The following DUSP6 variants were observed in gnomAD, a reference collection of about 807,000 sequenced individuals.
DUSP6 encodes the protein dual specificity phosphatase 6.
In DUSP6, 6 loss-of-function variants were observed where a neutral mutation model predicts 28.0. The observed-to-expected ratio is 0.21, with a 90% CI of 0.12 to 0.42. DUSP6 has a LOEUF of 0.42. Among genes scored for constraint, DUSP6 ranks in the 10% least tolerant of loss-of-function variants. DUSP6 has a pLI of 1.00. For missense variants in DUSP6, 451 were observed against 498.1 expected (o/e 0.91, Z 0.90); for synonymous variants, 252 against 217.5 (o/e 1.16, Z -1.40).
rs771353647 is a variant in DUSP6 at position 89,350,901 on chromosome 12, G to A, written c.525C>T (p.Asp175=). Residue 175 remains aspartate (D), a synonymous_variant, in exon 2 of 3, where the codon GAC becomes GAT. Coordinates refer to ENST00000279488, the MANE Select transcript of DUSP6 (RefSeq NM_001946.4). The stretch of plus-strand genomic sequence containing the variant: ...GGTCAGACTCGATGTCCGAGGAAGA[G>A]TCAGAGCTGATCCGCAGGCCCCCGA... The part of the protein sequence containing the change: ...LGLGGLRISS[D]SSSDIESDLD... 23 of 1,613,936 alleles carry A rather than the reference G, an allele frequency of 1.4e-5. No individual in the cohort carries two copies. The highest frequency in any genetic ancestry group is 1.9e-5 in the Non-Finnish European group (22 of 1,179,944).
Position 89,350,976 on chromosome 12 carries a change from A to T in DUSP6, c.450T>A (p.Asn150Lys). The T allele has an allele frequency of 6.2e-7, 1 of 1,611,988 alleles. No homozygotes were observed. Among genetic ancestry groups the T allele is most frequent in the Non-Finnish European group, 8.5e-7 (1 of 1,179,402 alleles). The change falls in exon 2 of 3, where the codon AAT (asparagine) becomes AAA (lysine). Residue 150 changes from asparagine (N) to lysine (K), a missense_variant. Transcript: ENST00000279488. Reference sequence around the variant, plus strand: ...AGCTGCTGCTACACGAGCCGTCTAGATTGGTCTCGCAATGCAGGGAGAACT... The same window carrying T: ...AGCTGCTGCTACACGAGCCGTCTAGTTTGGTCTCGCAATGCAGGGAGAACT... ...QAEFSLHCET[N>K]LDGSCSSSSP...
At position 89,350,824 on chromosome 12, in the gene DUSP6, T is replaced by A. The variant is rs773695778; in HGVS notation, c.602A>T (p.Asn201Ile). The change falls in exon 2 of 3, where the codon AAC (asparagine) becomes ATC (isoleucine). Residue 201 changes from asparagine to isoleucine, a missense_variant. By Grantham distance (149) the Asn-to-Ile change is moderately radical (BLOSUM62 -3). Transcript: ENST00000279488. ...ATDSDGSPLS[N>I]SQPSFPVEIL... ...CTCCACTGGGAAGGAAGGCTGGCTG[T>A]TGGACAGCGGACTACCATCCGAGTC... is the stretch of plus-strand genomic sequence containing the variant. 6.2e-7 allele frequency: 1 copy of A among 1,614,116 alleles called. No individual in the cohort carries two copies. Among genetic ancestry groups the A allele is most frequent in the South Asian group, 1.1e-5 (1 of 91,082 alleles).
intron 1 of DUSP6, chr12:89,351,384 TAAG>T (rs1481229758): frequency 4.9e-6 from 3 of 611,726 alleles, no homozygotes; most frequent in African/African-American, 1.9e-5. Context: ...ATGTTCTGGC[TAAG>T]AAGGCGCAGA....
chr12:89,350,471 A>T, intron 2 of DUSP6, 117 bp downstream of exon 2: 1 of 1,035,784 alleles, frequency 9.7e-7, no homozygotes, highest in Non-Finnish European at 1.4e-6. Context: ...TAGGAACATT[A>T]GAGACCTGCA....
chr12:89,351,545 G>C, intron 1 of DUSP6, 95 bp downstream of exon 1: 1 of 1,439,244 alleles, frequency 6.9e-7, no homozygotes, highest in South Asian at 1.5e-5. Flanking sequence ...CGAAGCTCCA[G>C]CTGAGCGGAG....
rs1006975876 is a variant in DUSP6 at position 89,352,475 on chromosome 12, C to A, written c.-436G>T. On this transcript the variant is annotated 5_prime_UTR_variant, in exon 1 of 3. Transcript: ENST00000279488. ...CTCTTGGACTCAGCCTCGCACACCC[C>A]CTGCGCGAGGCAGCTCCTCAATGGA... is the stretch of plus-strand genomic sequence containing the variant. The A allele has an allele frequency of 6.3e-5, 11 of 174,018 alleles. No homozygotes were observed. The highest frequency in any genetic ancestry group is 3.9e-4 in the South Asian group (3 of 7,758). 10.8% of individuals were successfully genotyped at this position (174,018 alleles called of 1,614,324 possible). A position where few individuals can be genotyped will look rare whatever the true frequency, so the allele number is the denominator to read the frequency against.
In DUSP6 at chr12:89,348,962, A is replaced by G. The variant is rs943597259; in HGVS notation, c.*292T>C. ...CTACCCTATCATTTGGTTCTACCCT[A>G]TGCGCCTGGAAGTCCTCGAATCCCA... On this transcript the variant is annotated 3_prime_UTR_variant, in exon 3 of 3. Coordinates refer to ENST00000279488, the MANE Select transcript of DUSP6 (RefSeq NM_001946.4). The G allele has an allele frequency of 1.2e-5, 4 of 337,994 alleles. No individual in the cohort carries two copies. Among genetic ancestry groups the G allele is most frequent in the African/African-American group, 4.1e-5 (2 of 49,152 alleles). 20.9% of individuals were successfully genotyped at this position (337,994 alleles called of 1,614,324 possible). A position where few individuals can be genotyped will look rare whatever the true frequency, so the allele number is the denominator to read the frequency against.
chr12:89,352,138 G>T lies in DUSP6; in HGVS notation c.-99C>A. 3 of 1,513,786 alleles carry T rather than the reference G, an allele frequency of 2.0e-6. No individual in the cohort carries two copies. Among genetic ancestry groups the T allele is most frequent in the Non-Finnish European group, 2.7e-6 (3 of 1,127,826 alleles). 93.8% of individuals were successfully genotyped at this position (1,513,786 alleles called of 1,614,324 possible). A position where few individuals can be genotyped will look rare whatever the true frequency, so the allele number is the denominator to read the frequency against. ...CGCGCGAAGCTGCCGCTCTCGGAGC[G>T]GGGTTTAATTCCGCCTCGCCTTACC... is the stretch of plus-strand genomic sequence containing the variant. On this transcript the variant is annotated 5_prime_UTR_variant, in exon 1 of 3. Coordinates refer to ENST00000279488, the MANE Select transcript of DUSP6 (RefSeq NM_001946.4).
rs539735060 is a variant in DUSP6 at position 89,349,491 on chromosome 12, C to T, written c.909G>A (p.Val303=). The stretch of plus-strand genomic sequence containing the variant: ...GCTTCTGCATAAGGTAAGCCACAGT[C>T]ACAGTGACTGAGCGGCTAATGCCAG... The part of the protein sequence containing the change: ...CLAGISRSVT[V]TVAYLMQKLN... The change falls in exon 3 of 3, where the codon GTG becomes GTA. Residue 303 remains valine (V), a synonymous_variant. Coordinates refer to ENST00000279488, the MANE Select transcript of DUSP6 (RefSeq NM_001946.4). 8.1e-6 allele frequency: 13 copies of T among 1,614,146 alleles called. No homozygotes were observed. The East Asian group carries it at 2.0e-4, about 25-fold the overall frequency.
rs558694866 is a variant in DUSP6 at position 89,351,749 on chromosome 12, G to A, written c.291C>T (p.Leu97=). 4.4e-6 allele frequency: 7 copies of A among 1,607,622 alleles called. No homozygotes were observed. In the African/African-American group the frequency reaches 8.0e-5, roughly 18 times the overall value. The stretch of plus-strand genomic sequence containing the variant: ...TCCAGTCGCTGCTGCTCTCGTCGTA[G>A]AGCACCACTGTGTCGGTGCCACAGC... ...TRRCGTDTVV[L]YDESSSDWNE... The change falls in exon 1 of 3, where the codon CTC becomes CTT. Residue 97 remains leucine (L), a synonymous_variant. Transcript: ENST00000279488.
chr12:89,349,347 G>C lies in DUSP6; in HGVS notation c.1053C>G (p.Ser351Arg). 6.2e-7 allele frequency: 1 copy of C among 1,614,192 alleles called. No individual in the cohort carries two copies. Among genetic ancestry groups the C allele is most frequent in the Non-Finnish European group, 8.5e-7 (1 of 1,180,032 alleles). The change falls in exon 3 of 3, where the codon AGC becomes AGG. Residue 351 changes from serine to arginine, a missense_variant. Around this residue, in one of 2 missense-constraint regions of DUSP6, gnomAD observed 104 missense variants for 151.4 expected, o/e 0.69. Coordinates refer to ENST00000279488, the MANE Select transcript of DUSP6 (RefSeq NM_001946.4). ...LDFERTLGLS[S>R]PCDNRVPAQQ... ...GTGCTGGAACCCTGTTGTCACATGG[G>C]CTGCTGAGTCCCAGCGTCCTCTCGA...
chr12:89,349,353 G>T lies in DUSP6; in HGVS notation c.1047C>A (p.Leu349=), dbSNP rs757357938. ...QLLDFERTLG[L]SSPCDNRVPA... is the part of the protein sequence containing the mutation. ...GAACCCTGTTGTCACATGGGCTGCTGAGTCCCAGCGTCCTCTCGAAGTCCA... is the reference window on the plus strand; with the variant it reads ...GAACCCTGTTGTCACATGGGCTGCTTAGTCCCAGCGTCCTCTCGAAGTCCA... The change falls in exon 3 of 3, where the codon CTC becomes CTA. Residue 349 remains leucine (L), a synonymous_variant. Transcript: ENST00000279488. The T allele has an allele frequency of 1.2e-6, 2 of 1,614,190 alleles. No homozygotes were observed. The highest frequency in any genetic ancestry group is 1.7e-6 in the Non-Finnish European group (2 of 1,180,024).
At chr12:89,351,381 G>C in intron 1 of DUSP6, 1 of 607,154 alleles carries the variant, frequency 1.6e-6, no homozygotes, top group Non-Finnish European at 2.8e-6. Context: ...AGGATGTTCT[G>C]GCTAAGAAGG....
At position 89,352,061 on chromosome 12, in the gene DUSP6, G is replaced by A. The variant is rs1217290269; in HGVS notation, c.-22C>T. The A allele has an allele frequency of 4.4e-6, 7 of 1,600,342 alleles. No homozygotes were observed. The highest frequency in any genetic ancestry group is 2.2e-5 in the South Asian group (2 of 90,512). Reference sequence around the variant, plus strand: ...TCATGGGGGTCGAGCTGCGGGAGAGGGCGGGGTGCCTACCAGACGCCCCTC... The same window carrying A: ...TCATGGGGGTCGAGCTGCGGGAGAGAGCGGGGTGCCTACCAGACGCCCCTC... On this transcript the variant is annotated 5_prime_UTR_variant, in exon 1 of 3. Transcript: ENST00000279488.
Position 89,349,039 on chromosome 12 carries a change from G to C in DUSP6, c.*215C>G. 1 of 576,840 alleles carries C rather than the reference G, an allele frequency of 1.7e-6. No homozygotes were observed. Among genetic ancestry groups the C allele is most frequent in the South Asian group, 2.2e-5 (1 of 45,770 alleles). The allele number at this position is 576,840 out of a possible 1,614,324, so 35.7% of individuals were successfully genotyped here. A position where few individuals can be genotyped will look rare whatever the true frequency, so the allele number is the denominator to read the frequency against. On this transcript the variant is annotated 3_prime_UTR_variant, in exon 3 of 3. Coordinates refer to ENST00000279488, the MANE Select transcript of DUSP6 (RefSeq NM_001946.4). ...TGGGTACAGAGCAAACCTACTGCCT[G>C]TATCTATACAGCATGTCCTGTTATT...
chr12:89,351,083 T>C, intron 1 of DUSP6, 58 bp from the exon 2 acceptor site: 2 of 1,511,600 alleles, frequency 1.3e-6, no homozygotes, highest in Non-Finnish European at 1.8e-6. Flanking sequence ...TTTTCACAGC[T>C]TGTAAGAACC....
chr12:89,352,087 G>C lies in DUSP6; in HGVS notation c.-48C>G, dbSNP rs1328488759. The stretch of plus-strand genomic sequence containing the variant: ...GCGGGGTGCCTACCAGACGCCCCTC[G>C]GGGCAGGCATAGGCCGAGCGCACCG... On this transcript the variant is annotated 5_prime_UTR_variant, in exon 1 of 3. Transcript: ENST00000279488. The C allele has an allele frequency of 1.1e-5, 18 of 1,585,968 alleles. No homozygotes were observed. The highest frequency in any genetic ancestry group is 1.3e-5 in the African/African-American group (1 of 74,464).
rs753582413 is a variant in DUSP6 at position 89,351,591 on chromosome 12, C to T, written c.400+49G>A. ...TTCAATCCACGCGCCCCGCCCGCAG[C>T]CCTGCGCCCCTAGCCCTGCCCCGCG... On this transcript the variant is annotated intron_variant, in intron 1 of 2. Transcript: ENST00000279488. The T allele has an allele frequency of 6.6e-6, 10 of 1,524,238 alleles. No individual in the cohort carries two copies. The East Asian group carries it at 2.4e-4, about 37-fold the overall frequency. The allele number at this position is 1,524,238 out of a possible 1,614,324, so 94.4% of individuals were successfully genotyped here. A position where few individuals can be genotyped will look rare whatever the true frequency, so the allele number is the denominator to read the frequency against.
chr12:89,350,882 A>C lies in DUSP6; in HGVS notation c.544T>G (p.Ser182Ala). ...ISSDSSSDIE[S>A]DLDRDPNSAT... is the part of the protein sequence containing the mutation. ...CTATTGGGGTCTCGGTCAAGGTCAGACTCGATGTCCGAGGAAGAGTCAGAG... is the reference window on the plus strand; with the variant it reads ...CTATTGGGGTCTCGGTCAAGGTCAGCCTCGATGTCCGAGGAAGAGTCAGAG... The change falls in exon 2 of 3, where the codon TCT becomes GCT. Residue 182 changes from serine to alanine, a missense_variant. By Grantham distance (99) the Ser-to-Ala change is moderately conservative. Coordinates refer to ENST00000279488, the MANE Select transcript of DUSP6 (RefSeq NM_001946.4). 1 of 1,613,820 alleles carries C rather than the reference A, an allele frequency of 6.2e-7. No homozygotes were observed. Among genetic ancestry groups the C allele is most frequent in the Non-Finnish European group, 8.5e-7 (1 of 1,179,904 alleles).
Sources: allele counts gnomAD v4.1 joint callset, GRCh38; gene constraint gnomAD v4.1.1; regional missense constraint gnomAD v4.1.1; transcripts MANE v1.5; gene names NCBI Gene and HGNC (gene_info 2026-07-23, HGNC 2026-07-21).